ASAP3: variants seen among roughly 807,000 people sequenced by gnomAD.
The protein encoded by ASAP3 is arf-GAP with SH3 domain, ANK repeat and PH domain-containing protein 3.
Under a neutral mutation model 118.2 loss-of-function variants are expected in ASAP3, and 85 were observed. The observed-to-expected ratio is 0.72, with a 90% CI of 0.60 to 0.86. The LOEUF is 0.86. Among genes scored for constraint, ASAP3 ranks in the 40% least tolerant of loss-of-function variants. The pLI is 0.00. For missense variants in ASAP3, 1,026 were observed against 1,175.0 expected, an observed-to-expected ratio of 0.87 and a Z score of 1.85; for synonymous variants, 432 against 477.4, an observed-to-expected ratio of 0.90 and a Z score of 1.24.
At position 23,431,132 on chromosome 1, in the gene ASAP3, G is replaced by A; in HGVS notation, c.2547-7C>T. On this transcript the variant is annotated splice_region_variant and splice_polypyrimidine_tract_variant and intron_variant, in intron 23 of 24. Transcript: ENST00000336689. Reference sequence around the variant, plus strand: ...GGAGCGAGTGCTCTCGGAGCTGGAAGGCAGGGAAAGGCCAACATGACCCTC... The same window carrying A: ...GGAGCGAGTGCTCTCGGAGCTGGAAAGCAGGGAAAGGCCAACATGACCCTC... The A allele has an allele frequency of 6.4e-7, 1 of 1,574,712 alleles. No homozygotes were observed. The highest frequency in any genetic ancestry group is 8.6e-7 in the Non-Finnish European group (1 of 1,160,160).
intron 10 of ASAP3, among the ~76,000 whole-genome samples, chr1:23,440,106 G>A (rs185628181): frequency 0.017 from 2,591 of 149,574 alleles, 78 homozygotes; most frequent in African/African-American, 0.06. Context: ...GTGAGCCACT[G>A]CACCTGGCCC....
intron 1 of ASAP3, among the ~76,000 whole-genome samples, chr1:23,457,189 G>C (rs1234081665): frequency 6.6e-6 from 1 of 152,086 alleles, no homozygotes; most frequent in Non-Finnish European, 1.5e-5. Context: ...AAGCCACAGA[G>C]CTGGACTTCC....
At chr1:23,455,000 G>A (rs1570373285) in intron 3 of ASAP3, among the ~76,000 whole-genome samples, 1 of 152,220 alleles carries the variant, frequency 6.6e-6, no homozygotes, top group Non-Finnish European at 1.5e-5. Flanking sequence ...AACCAGGGAG[G>A]ATGCTGGGTA....
chr1:23,454,003 T>C (rs895076995), intron 3 of ASAP3, among the ~76,000 whole-genome samples: 1 of 152,066 alleles, frequency 6.6e-6, no homozygotes, highest in African/African-American at 2.4e-5. Context: ...AGAAGGACAC[T>C]AATTCAATTG....
Position 23,437,796 on chromosome 1 carries a change from C to T in ASAP3, c.1103-324G>A, listed in dbSNP as rs540608938. Among the ~76,000 whole-genome samples, 1 of 152,252 alleles carries T rather than the reference C, an allele frequency of 6.6e-6. No homozygotes were observed. Among genetic ancestry groups the T allele is most frequent in the African/African-American group, 2.4e-5 (1 of 41,556 alleles). ...ATCCTCTGAACCAACTGTCACCACC[C>T]CACTGGGCCCTTCCTGGTCTCCTCC... is the stretch of plus-strand genomic sequence containing the variant. On this transcript the variant is annotated intron_variant, in intron 12 of 24. Coordinates refer to ENST00000336689, the MANE Select transcript of ASAP3 (RefSeq NM_017707.4). The surrounding 1 kb of genome is among the most constrained non-coding windows in gnomAD (Gnocchi z 6.1).
chr1:23,482,749 C>A (rs903805422), intron 1 of ASAP3, among the ~76,000 whole-genome samples: 5 of 151,838 alleles, frequency 3.3e-5, no homozygotes, highest in South Asian at 4.2e-4. Context: ...GAGATCGAGA[C>A]CATCCTGGCT....
At position 23,434,600 on chromosome 1, in the gene ASAP3, A is replaced by G; in HGVS notation, c.1768T>C (p.Leu590=). 2 of 1,614,168 alleles carry G rather than the reference A, an allele frequency of 1.2e-6. No individual in the cohort carries two copies. Among genetic ancestry groups the G allele is most frequent in the Non-Finnish European group, 1.7e-6 (2 of 1,180,036 alleles). ...PDAQAPEELV[L]HLAVKVANQA... is the part of the protein sequence containing the mutation. ...TTGGCGACTTTGACAGCCAAATGCA[A>G]GACGAGTTCTTCAGGTGCCTGAAAA... Residue 590 remains leucine, a synonymous_variant, in exon 18 of 25, where the codon TTG becomes CTG. Coordinates refer to ENST00000336689, the MANE Select transcript of ASAP3 (RefSeq NM_017707.4).
chr1:23,442,722 C>A, intron 5 of ASAP3, 110 bp from the exon 6 acceptor site: 1 of 1,477,526 alleles, frequency 6.8e-7, no homozygotes, highest in South Asian at 1.3e-5. Flanking sequence ...CCCTCCTGTG[C>A]CAGCTGTGTG....
In ASAP3 at chr1:23,435,658, G is replaced by GA. The variant is rs1039115877; in HGVS notation, c.1749+192dup. ...AACCTGCCCTAGATCACACAGCTAG[G>GA]AAAAAACAGAGCCAGGATTCCCACC... On this transcript the variant is annotated intron_variant, in intron 17 of 24. Transcript: ENST00000336689. The GA allele has an allele frequency of 8.9e-6, 6 of 674,868 alleles. No individual in the cohort carries two copies. The Admixed American group carries it at 1.5e-4, about 16-fold the overall frequency. The allele number at this position is 674,868 out of a possible 1,614,324, so 41.8% of individuals were successfully genotyped here. A position where few individuals can be genotyped will look rare whatever the true frequency, so the allele number is the denominator to read the frequency against.
In ASAP3 at chr1:23,451,537, TA is replaced by T. The variant is rs757028734; in HGVS notation, c.424-10del. 2.4e-5 allele frequency: 38 copies of T among 1,613,868 alleles called. No individual in the cohort carries two copies. The highest frequency in any genetic ancestry group is 3.1e-5 in the Non-Finnish European group (37 of 1,179,898). On this transcript the variant is annotated splice_polypyrimidine_tract_variant and intron_variant, in intron 4 of 24. Transcript: ENST00000336689. ...AGCTGTTTTTTGGAATCCTGTGGGT[TA>T]AAAAAGGACAATTTGCCCAGAGGGA...
chr1:23,459,330 G>C (rs1435030722), intron 1 of ASAP3, among the ~76,000 whole-genome samples: 1 of 152,294 alleles, frequency 6.6e-6, no homozygotes, highest in African/African-American at 2.4e-5. Flanking sequence ...CCTGAGAGGA[G>C]TATGTTCATG....
At position 23,477,353 on chromosome 1, in the gene ASAP3, A is replaced by G. The variant is rs558280964; in HGVS notation, c.129+6652T>C. Among the ~76,000 whole-genome samples, 3 of 129,616 alleles carry G rather than the reference A, an allele frequency of 2.3e-5. No individual in the cohort carries two copies. In the Admixed American group the frequency reaches 2.7e-4, roughly 12 times the overall value. The allele number at this position is 129,616 out of a possible 152,430, so 85.0% of individuals were successfully genotyped here. A position where few individuals can be genotyped will look rare whatever the true frequency, so the allele number is the denominator to read the frequency against. ...GATCACGCCACTGCACTCCAGCCTG[A>G]GCAACAGAGTGAGACTCCATCTCAA... is the stretch of plus-strand genomic sequence containing the variant. On this transcript the variant is annotated intron_variant, in intron 1 of 24. Coordinates refer to ENST00000336689, the MANE Select transcript of ASAP3 (RefSeq NM_017707.4).
At chr1:23,478,620 C>A (rs1046801996) in intron 1 of ASAP3, among the ~76,000 whole-genome samples, 1 of 151,678 alleles carries the variant, frequency 6.6e-6, no homozygotes, top group East Asian at 1.9e-4. Context: ...ATTATCCGGG[C>A]GTGGTGGTGG....
In ASAP3 at chr1:23,437,589, ACT is replaced by A; in HGVS notation, c.1103-119_1103-118del. 7.8e-7 allele frequency: 1 copy of A among 1,285,326 alleles called. No homozygotes were observed. Among genetic ancestry groups the A allele is most frequent in the Non-Finnish European group, 1.1e-6 (1 of 923,594 alleles). 79.6% of individuals were successfully genotyped at this position (1,285,326 alleles called of 1,614,324 possible). A position where few individuals can be genotyped will look rare whatever the true frequency, so the allele number is the denominator to read the frequency against. ...TGGAGATGTGTCCCTGACAAGTCGGACTCTCAAGCTAGGAGTGGGAAGGGAGT... is the reference window on the plus strand; with the variant it reads ...TGGAGATGTGTCCCTGACAAGTCGGACTCAAGCTAGGAGTGGGAAGGGAGT... On this transcript the variant is annotated intron_variant, in intron 12 of 24. Transcript: ENST00000336689. The surrounding 1 kb of genome is among the most constrained non-coding windows in gnomAD (Gnocchi z 6.1).
At chr1:23,447,445 C>T (rs899077902) in intron 5 of ASAP3, among the ~76,000 whole-genome samples, 3 of 152,112 alleles carry the variant, frequency 2.0e-5, no homozygotes, top group African/African-American at 7.2e-5. Flanking sequence ...CCAAAAACTG[C>T]CGGAATTACT....
intron 1 of ASAP3, among the ~76,000 whole-genome samples, chr1:23,477,564 G>A (rs559637119): frequency 2.8e-4 from 43 of 152,144 alleles, no homozygotes; most frequent in African/African-American, 1.0e-3. Flanking sequence ...GTCACCTGGA[G>A]ATGGGAGGTA....
intron 1 of ASAP3, among the ~76,000 whole-genome samples, chr1:23,461,973 C>T (rs1056075394): frequency 4.6e-5 from 7 of 151,974 alleles, no homozygotes; most frequent in African/African-American, 1.7e-4. Context: ...GAAACTAGCT[C>T]TAACTGGTAA....
Position 23,437,537 on chromosome 1 carries a change from G to T in ASAP3, c.1103-65C>A. The T allele has an allele frequency of 2.5e-6, 4 of 1,597,814 alleles. No homozygotes were observed. The highest frequency in any genetic ancestry group is 3.4e-6 in the Non-Finnish European group (4 of 1,169,842). On this transcript the variant is annotated intron_variant, in intron 12 of 24. Transcript: ENST00000336689. The surrounding 1 kb of genome is among the most constrained non-coding windows in gnomAD (Gnocchi z 6.1). ...TGCTGGCCTTCCCGGAGCCCAGGGA[G>T]CCCCCACCAAAGCCGCTGGGGCCAC...
rs1403576954 is a variant in ASAP3, at chr1:23,484,031, G to C, written c.103C>G (p.Arg35Gly). ...AAFAAKMPRY[R>G]GAALAREEIL... ...TCCTCCCGCGCCAGCGCCGCCCCTC[G>C]GTACCGGGGCATCTTGGCGGCGAAG... Residue 35 changes from arginine to glycine, a missense_variant, in exon 1 of 25, where the codon CGA (arginine) becomes GGA (glycine). Transcript: ENST00000336689. The C allele has an allele frequency of 7.6e-7, 1 of 1,308,716 alleles. No homozygotes were observed. The highest frequency in any genetic ancestry group is 9.7e-7 in the Non-Finnish European group (1 of 1,031,406). The allele number at this position is 1,308,716 out of a possible 1,614,324, so 81.1% of individuals were successfully genotyped here.
Sources: allele counts gnomAD v4.1 joint callset (sites outside exome capture counted in the v4.1 genomes callset), GRCh38; gene constraint gnomAD v4.1.1; non-coding constraint Gnocchi (gnomAD v3.1); transcripts MANE v1.5; gene names NCBI Gene and HGNC (gene_info 2026-07-23, HGNC 2026-07-21).